Variants in CLU observed in about 807,000 individuals in gnomAD.
The protein encoded by CLU is aging-associated protein 4.
In CLU, 25 loss-of-function variants were observed where a neutral mutation model predicts 46.4. The ratio of observed to expected loss-of-function variants is 0.54; its 90% CI spans 0.39 to 0.75. The LOEUF is 0.75. CLU is among the 30% of genes least tolerant of loss of function. The pLI is 0.00. For missense variants in CLU, 504 were observed against 592.1 expected, an observed-to-expected ratio of 0.85 and a Z score of 1.54; for synonymous variants, 235 against 235.1, an observed-to-expected ratio of 1.00 and a Z score of 0.00.
At chr8:27,598,982 A>T (rs987047531) in intron 7 of CLU, 2 of 189,424 alleles carry the variant, frequency 1.1e-5, no homozygotes, top group Non-Finnish European at 2.2e-5. Flanking sequence ...GAAAGAAAAG[A>T]AAAAGAAGAG....
intron 6 of CLU, among the ~76,000 whole-genome samples, chr8:27,603,846 G>A (rs1238013591): frequency 1.3e-5 from 2 of 152,220 alleles, no homozygotes; most frequent in South Asian, 2.1e-4. Flanking sequence ...GGAAATGTAT[G>A]TCGAGTGTTT....
intron 3 of CLU, 135 bp downstream of exon 3, chr8:27,608,803 G>A: frequency 1.1e-6 from 1 of 903,010 alleles, no homozygotes; most frequent in Non-Finnish European, 1.8e-6. Context: ...CTTAATTGCA[G>A]CCTCAGCATC....
At chr8:27,605,422 G>A (rs1800805082) in intron 4 of CLU, 87 bp from the exon 5 acceptor site, 1 of 1,431,366 alleles carries the variant, frequency 7.0e-7, no homozygotes, top group Non-Finnish European at 9.7e-7. Context: ...GCCAGGCCAG[G>A]CCCTGCCCAT....
chr8:27,608,931 T>A lies in CLU; in HGVS notation c.246+7A>T. 1 of 1,613,846 alleles carries A rather than the reference T, an allele frequency of 6.2e-7. No individual in the cohort carries two copies. The highest frequency in any genetic ancestry group is 8.5e-7 in the Non-Finnish European group (1 of 1,179,988). On this transcript the variant is annotated splice_region_variant and intron_variant, in intron 3 of 8. Coordinates refer to ENST00000316403, the MANE Select transcript of CLU (RefSeq NM_001831.4). ...AAGGCAGGGAGGCGGTAGCGGCTCC[T>A]CCTGACCTCTTTCTTCTTCTTGGCT...
intron 6 of CLU, among the ~76,000 whole-genome samples, chr8:27,601,337 A>G (rs1387461745): frequency 8.5e-5 from 13 of 152,202 alleles, no homozygotes; most frequent in Admixed American, 6.5e-4. Context: ...GGTGTGAGCC[A>G]ATGCACCCGG....
chr8:27,605,812 G>A (rs939790235), intron 4 of CLU, among the ~76,000 whole-genome samples: 3 of 152,132 alleles, frequency 2.0e-5, no homozygotes, highest in African/African-American at 7.2e-5. Context: ...AAGGTAGGAG[G>A]ATTACTTGAG....
chr8:27,607,052 CT>C (rs1298520762), intron 3 of CLU, among the ~76,000 whole-genome samples: 2 of 152,314 alleles, frequency 1.3e-5, no homozygotes, highest in East Asian at 3.9e-4. Flanking sequence ...AAGAATCTGT[CT>C]CAGGCCAGGT....
chr8:27,613,345 T>C (rs1383484829), intron 1 of CLU, among the ~76,000 whole-genome samples: 1 of 149,034 alleles, frequency 6.7e-6, no homozygotes, highest in Non-Finnish European at 1.5e-5. Flanking sequence ...GAGATGGCGC[T>C]ACTCTACTCC....
At chr8:27,607,761 T>A (rs1316313300) in intron 3 of CLU, among the ~76,000 whole-genome samples, 3 of 136,586 alleles carry the variant, frequency 2.2e-5, no homozygotes, top group Non-Finnish European at 4.7e-5. Context: ...AAAAAAAAAA[T>A]AGCCTATCCA....
rs775465384 is a variant in CLU, at chr8:27,605,271, G to T, written c.482C>A (p.Ser161Tyr). The change falls in exon 5 of 9, where the codon TCC (serine) becomes TAC (tyrosine). Residue 161 changes from serine (S) to tyrosine (Y), a missense_variant. Around this residue, in one of 3 missense-constraint regions of CLU, gnomAD observed 428 missense variants for 484.0 expected, o/e 0.88. Transcript: ENST00000316403. The stretch of plus-strand genomic sequence containing the variant: ...CTGCTGCCGGTCGTTCTCCAGCAGG[G>T]AGTCGATGCGGTCACCATTCATCCA... ...YFWMNGDRIDSLLENDRQQTH... is the reference protein window; with the variant it reads ...YFWMNGDRIDYLLENDRQQTH... The T allele has an allele frequency of 6.2e-7, 1 of 1,614,186 alleles. No homozygotes were observed.
intron 6 of CLU, 160 bp downstream of exon 6, chr8:27,604,131 T>G: frequency 1.5e-6 from 1 of 661,754 alleles, no homozygotes; most frequent in Non-Finnish European, 2.8e-6. Flanking sequence ...CGAAGCTGCA[T>G]GAGGCTCAGG....
intron 6 of CLU, among the ~76,000 whole-genome samples, chr8:27,600,585 T>G (rs1025126558): frequency 6.6e-6 from 1 of 152,298 alleles, no homozygotes; most frequent in East Asian, 1.9e-4. Context: ...CGTAACATCA[T>G]TGATTTATCT....
chr8:27,613,354 C>T (rs948343201), intron 1 of CLU, among the ~76,000 whole-genome samples: 1 of 150,446 alleles, frequency 6.6e-6, no homozygotes, highest in South Asian at 2.1e-4. Context: ...CTACTCTACT[C>T]CAGCCTGGGC....
rs780221751 is a variant in CLU at position 27,597,368 on chromosome 8, G to A, written c.*873C>T. On this transcript the variant is annotated 3_prime_UTR_variant, in exon 9 of 9. Transcript: ENST00000316403. ...GGTACTGCAGCCCAGCTATGGTTCAGACTAAAAGCCGAGAAACGCCTGTGG... is the reference window on the plus strand; with the variant it reads ...GGTACTGCAGCCCAGCTATGGTTCAAACTAAAAGCCGAGAAACGCCTGTGG... The A allele has an allele frequency of 5.3e-5, 24 of 454,498 alleles. No individual in the cohort carries two copies. Among genetic ancestry groups the A allele is most frequent in the South Asian group, 3.7e-4 (24 of 64,474 alleles). The allele number at this position is 454,498 out of a possible 1,614,324, so 28.2% of individuals were successfully genotyped here.
chr8:27,609,007 G>A lies in CLU; in HGVS notation c.177C>T (p.Leu59=), dbSNP rs373980006. ...AVNGVKQIKT[L]IEKTNEERKT... ...TGCGCTCTTCGTTTGTTTTTTCTATGAGAGTCTTTATCTGTTTCACCCCGT... is the reference window on the plus strand; with the variant it reads ...TGCGCTCTTCGTTTGTTTTTTCTATAAGAGTCTTTATCTGTTTCACCCCGT... The change falls in exon 3 of 9, where the codon CTC becomes CTT. Residue 59 remains leucine, a synonymous_variant. Transcript: ENST00000316403. The A allele has an allele frequency of 4.8e-5, 77 of 1,614,022 alleles. No homozygotes were observed. The highest frequency in any genetic ancestry group is 6.0e-5 in the Non-Finnish European group (71 of 1,179,976).
At chr8:27,614,111 G>A (rs904800431) in intron 1 of CLU, 2 of 152,292 alleles carry the variant, frequency 1.3e-5, no homozygotes, top group Non-Finnish European at 2.9e-5. Flanking sequence ...TGCATTAGGA[G>A]GCAGAAAAAG....
intron 6 of CLU, 132 bp downstream of exon 6, chr8:27,604,159 G>A (rs947429738): frequency 4.0e-5 from 30 of 741,826 alleles, no homozygotes; most frequent in Non-Finnish European, 6.4e-5. Context: ...CCGGGACACA[G>A]CTCAAAGGCT....
Position 27,598,197 on chromosome 8 carries a change from C to T in CLU, c.*44G>A. On this transcript the variant is annotated 3_prime_UTR_variant, in exon 9 of 9. Transcript: ENST00000316403. ...GGGCTGCAGCTCATCTTGGGGGGAG[C>T]TGGACTCAGATGCCCCCGTAGGTGC... 6.2e-7 allele frequency: 1 copy of T among 1,608,772 alleles called. No individual in the cohort carries two copies. Among genetic ancestry groups the T allele is most frequent in the African/African-American group, 1.3e-5 (1 of 74,864 alleles).
intron 1 of CLU, among the ~76,000 whole-genome samples, chr8:27,612,990 A>C (rs867164614): frequency 1.4e-3 from 208 of 151,204 alleles, no homozygotes; most frequent in African/African-American, 5.0e-3. Context: ...GGGAGCAGGC[A>C]GACTTTGGGA....
Sources: allele counts gnomAD v4.1 joint callset (sites outside exome capture counted in the v4.1 genomes callset), GRCh38; gene constraint gnomAD v4.1.1; regional missense constraint gnomAD v4.1.1; transcripts MANE v1.5; gene names NCBI Gene and HGNC (gene_info 2026-07-23, HGNC 2026-07-21).